Variants in UBE2E2 observed in about 807,000 individuals in gnomAD.
The protein encoded by UBE2E2 is ubiquitin conjugating enzyme E2 E2.
UBE2E2 carries 6 observed loss-of-function variants against 24.7 expected under a neutral mutation model. The observed-to-expected ratio is 0.24, with a 90% confidence interval of 0.13 to 0.48. UBE2E2 has a LOEUF of 0.48. UBE2E2 is among the 20% of genes least tolerant of loss of function. The pLI is 0.99. For missense variants in UBE2E2, 169 were observed against 245.0 expected, an observed-to-expected ratio of 0.69 and a Z score of 2.07; for synonymous variants, 104 against 83.6, an observed-to-expected ratio of 1.24 and a Z score of -1.33.
At position 23,589,100 on chromosome 3, in the gene UBE2E2, A is replaced by G. The variant is rs139468550; in HGVS notation, c.509-634A>G. ...TCAAGAGCCCATGAGTCCCCTGCCCACAGCCCACCTGCATTTTCTCCGTGA... is the reference window on the plus strand; with the variant it reads ...TCAAGAGCCCATGAGTCCCCTGCCCGCAGCCCACCTGCATTTTCTCCGTGA... On this transcript the variant is annotated intron_variant, in intron 5 of 5. Coordinates refer to ENST00000396703, the MANE Select transcript of UBE2E2 (RefSeq NM_152653.4). The surrounding 1 kb of genome is among the most constrained non-coding windows in gnomAD (Gnocchi z 4.1). Among the ~76,000 whole-genome samples the G allele has an allele frequency of 8.5e-3, 1,298 of 152,128 alleles. 17 individuals carry two copies. The highest frequency in any genetic ancestry group is 0.029 in the African/African-American group (1,187 of 41,504).
intron 3 of UBE2E2, among the ~76,000 whole-genome samples, chr3:23,467,667 C>A (rs373109278): frequency 1.3e-5 from 2 of 152,094 alleles, no homozygotes; most frequent in East Asian, 3.9e-4. Flanking sequence ...GGTTATGTAA[C>A]CCCACCATTT....
chr3:23,301,774 G>T (rs969603640), intron 3 of UBE2E2, among the ~76,000 whole-genome samples: 1 of 149,768 alleles, frequency 6.7e-6, no homozygotes, highest in Non-Finnish European at 1.5e-5. Context: ...CAGATCTCCA[G>T]CTGCGTGCTG....
chr3:23,544,474 G>A (rs922656060), intron 5 of UBE2E2, among the ~76,000 whole-genome samples: 2 of 152,148 alleles, frequency 1.3e-5, no homozygotes, highest in Non-Finnish European at 2.9e-5. Flanking sequence ...AATAACCAGG[G>A]AAATGCAAAT....
chr3:23,404,337 G>C (rs1697305686), intron 3 of UBE2E2, among the ~76,000 whole-genome samples: 1 of 152,114 alleles, frequency 6.6e-6, no homozygotes, highest in Admixed American at 6.6e-5. Flanking sequence ...TCCATGCTTA[G>C]CTGTTTAACA....
intron 3 of UBE2E2, among the ~76,000 whole-genome samples, chr3:23,443,902 G>C (rs567283946): frequency 1.3e-5 from 2 of 152,248 alleles, no homozygotes; most frequent in South Asian, 4.2e-4. Context: ...TGTGCAATCA[G>C]TAACTGAATC....
At chr3:23,453,511 C>T (rs1698611566) in intron 3 of UBE2E2, among the ~76,000 whole-genome samples, 1 of 152,096 alleles carries the variant, frequency 6.6e-6, no homozygotes, top group African/African-American at 2.4e-5. Context: ...CTTTCTCTTT[C>T]CACATATTTC....
Position 23,280,822 on chromosome 3 carries a change from A to G in UBE2E2, c.227+63510A>G, listed in dbSNP as rs1312999106. ...TTGCCTTCTCTCGTGTTTCACATTC[A>G]GAATTTTCTTAGAGAATATCTTAGT... On this transcript the variant is annotated intron_variant, in intron 3 of 5. Transcript: ENST00000396703. This position sits in a 1 kb window ranked among gnomAD's most constrained non-coding sequence, Gnocchi z 4.3. Among the ~76,000 whole-genome samples, 1 of 152,194 alleles carries G rather than the reference A, an allele frequency of 6.6e-6. No homozygotes were observed. The highest frequency in any genetic ancestry group is 1.5e-5 in the Non-Finnish European group (1 of 68,036).
chr3:23,361,223 C>T (rs983628646), intron 3 of UBE2E2, among the ~76,000 whole-genome samples: 1 of 152,088 alleles, frequency 6.6e-6, no homozygotes, highest in African/African-American at 2.4e-5. Context: ...TTTTATACTG[C>T]TTCTGGGAAT....
chr3:23,342,960 C>T (rs966390738), intron 3 of UBE2E2, among the ~76,000 whole-genome samples: 43 of 151,986 alleles, frequency 2.8e-4, no homozygotes, highest in African/African-American at 9.9e-4. Context: ...GGAACTTCTG[C>T]TGTTATTGTT....
chr3:23,563,048 G>C (rs1342942544), intron 5 of UBE2E2, among the ~76,000 whole-genome samples: 1 of 151,980 alleles, frequency 6.6e-6, no homozygotes, highest in East Asian at 1.9e-4. Context: ...TTTTTGAAGG[G>C]TTTTTTGTGT....
chr3:23,319,073 T>C (rs1169827851), intron 3 of UBE2E2, among the ~76,000 whole-genome samples: 1 of 152,218 alleles, frequency 6.6e-6, no homozygotes, highest in East Asian at 1.9e-4. Context: ...TCTTTTACTT[T>C]TACTTTATAG....
intron 3 of UBE2E2, among the ~76,000 whole-genome samples, chr3:23,392,951 A>G (rs557956889): frequency 6.6e-6 from 1 of 152,340 alleles, no homozygotes; most frequent in Non-Finnish European, 1.5e-5. Flanking sequence ...GAGGACAAGT[A>G]TAGGCCACAA....
chr3:23,253,224 G>T (rs557989833), intron 3 of UBE2E2, among the ~76,000 whole-genome samples: 1 of 152,164 alleles, frequency 6.6e-6, no homozygotes, highest in Admixed American at 6.5e-5. Flanking sequence ...CTTTTAAAAA[G>T]TATGTCTTTG....
rs970700321 is a variant in UBE2E2 at position 23,314,481 on chromosome 3, G to A, written c.227+97169G>A. Among the ~76,000 whole-genome samples, 3 of 152,132 alleles carry A rather than the reference G, an allele frequency of 2.0e-5. No homozygotes were observed. In the South Asian group the frequency reaches 6.2e-4, roughly 32 times the overall value. On this transcript the variant is annotated intron_variant, in intron 3 of 5. Coordinates refer to ENST00000396703, the MANE Select transcript of UBE2E2 (RefSeq NM_152653.4). ...GTTTTTATCTTTCTACTAAAGATAT[G>A]AGTAGTTACATCACAATTAGTGTTA...
intron 3 of UBE2E2, among the ~76,000 whole-genome samples, chr3:23,258,153 C>A (rs768809929): frequency 1.3e-5 from 2 of 152,086 alleles, no homozygotes; most frequent in Non-Finnish European, 2.9e-5. Context: ...CAAGATGAGA[C>A]CATGTTATTG....
intron 3 of UBE2E2, among the ~76,000 whole-genome samples, chr3:23,258,131 C>A (rs1482017571): frequency 2.0e-5 from 3 of 152,072 alleles, no homozygotes; most frequent in Non-Finnish European, 2.9e-5. Flanking sequence ...GATGGAATGG[C>A]AACTAAATAT....
At chr3:23,544,307 A>G (rs1333073616) in intron 5 of UBE2E2, among the ~76,000 whole-genome samples, 1 of 152,260 alleles carries the variant, frequency 6.6e-6, no homozygotes, top group East Asian at 1.9e-4. Context: ...CATACTATGC[A>G]TCTGACAGAG....
intron 2 of UBE2E2, among the ~76,000 whole-genome samples, chr3:23,211,407 CTT>C (rs3086984): frequency 2.4e-4 from 31 of 131,784 alleles, no homozygotes; most frequent in Admixed American, 3.9e-4. Flanking sequence ...GCTCTGTGGT[CTT>C]TTTTTTTTTT....
intron 3 of UBE2E2, 83 bp downstream of exon 3, chr3:23,217,395 G>A: frequency 8.1e-7 from 1 of 1,242,206 alleles, no homozygotes; most frequent in East Asian, 2.3e-5. Flanking sequence ...AGCTGTTGTT[G>A]TAGTCTGATT....
Sources: gnomAD v4.1 joint callset for allele counts (sites outside exome capture counted in the v4.1 genomes callset) on GRCh38, gnomAD v4.1.1 for gene constraint, Gnocchi (gnomAD v3.1) non-coding constraint, MANE v1.5 for transcripts, NCBI Gene and HGNC (gene_info 2026-07-23, HGNC 2026-07-21) for gene names.